The following TRRAP variants were observed in gnomAD, a reference collection of about 807,000 sequenced individuals.
TRRAP encodes transformation/transcription domain associated protein.
TRRAP carries 41 observed loss-of-function variants against 438.8 expected under a neutral mutation model. The ratio of observed to expected loss-of-function variants is 0.09; its 90% CI spans 0.07 to 0.12. The LOEUF (loss-of-function observed/expected upper bound fraction) is 0.12. Ranked by LOEUF, TRRAP falls within the 10% of genes least tolerant of loss-of-function variation. TRRAP has a pLI of 1.00. For synonymous variants in TRRAP, 1,994 were observed against 1,962.9 expected (o/e 1.02, Z -0.42); for missense variants, 3,122 against 5,055.1 (o/e 0.62, Z 11.60).
At chr7:98,946,118 A>G (rs895492527) in intron 33 of TRRAP, among the ~76,000 whole-genome samples, 168 bp downstream of exon 33, 2 of 152,110 alleles carry the variant, frequency 1.3e-5, no homozygotes, top group African/African-American at 4.8e-5. Flanking sequence ...ATTGCTGTGA[A>G]CTGTCTGATG....
At chr7:98,901,674 G>A (rs561054335) in intron 11 of TRRAP, among the ~76,000 whole-genome samples, 3 of 152,230 alleles carry the variant, frequency 2.0e-5, no homozygotes, top group Admixed American at 1.3e-4. Context: ...TCAGCCACTC[G>A]AGTAGCTAGG....
chr7:98,926,772 A>AG (rs1214401299), intron 22 of TRRAP, among the ~76,000 whole-genome samples: 1 of 146,942 alleles, frequency 6.8e-6, no homozygotes, highest in African/African-American at 2.5e-5. Flanking sequence ...TGGGAGGCTG[A>AG]GGCGGGGGTG....
rs776359341 is a variant in TRRAP, at chr7:98,959,421, G to A, written c.6420G>A (p.Ala2140=). The change falls in exon 45 of 73, where the codon GCG becomes GCA. Residue 2140 remains alanine (A), a synonymous_variant. Transcript: ENST00000456197. ...SRRCVNLLKT[A]LRPDMWPKSE... ...GGTGTGTGAACCTTCTGAAGACTGCGTTGCGGCCAGACATGTGGCCCAAGT... is the reference window on the plus strand; with the variant it reads ...GGTGTGTGAACCTTCTGAAGACTGCATTGCGGCCAGACATGTGGCCCAAGT... 1.5e-5 allele frequency: 24 copies of A among 1,613,944 alleles called. No homozygotes were observed. The highest frequency in any genetic ancestry group is 1.6e-4 in the Middle Eastern group (1 of 6,084).
Position 99,012,181 on chromosome 7 carries a change from G to A in TRRAP, c.11448G>A (p.Met3816Ile). ...PLSAAGQPEN[M>I]DSQQLVSLVQ... ...CGGCCGCCGGGCAGCCAGAGAACAT[G>A]GACAGCCAGCAACTGGTGTCCCTGG... The change falls in exon 73 of 73, where the codon ATG becomes ATA. Residue 3816 changes from methionine (M) to isoleucine (I), a missense_variant. Met to Ile is a conservative substitution (Grantham distance 10). Transcript: ENST00000456197. This position sits in a 1 kb window ranked among gnomAD's most constrained non-coding sequence, Gnocchi z 5.9. 2 of 1,614,194 alleles carry A rather than the reference G, an allele frequency of 1.2e-6. No individual in the cohort carries two copies. Among genetic ancestry groups the A allele is most frequent in the Non-Finnish European group, 1.7e-6 (2 of 1,180,022 alleles).
intron 18 of TRRAP, 134 bp from the exon 19 acceptor site, chr7:98,915,589 G>C (rs1584306006): frequency 1.9e-6 from 2 of 1,051,706 alleles, no homozygotes; most frequent in South Asian, 1.8e-5. Flanking sequence ...ATGCTTGTTT[G>C]GTTTTTTCCC....
chr7:98,949,504 G>T lies in TRRAP; in HGVS notation c.4876G>T (p.Gly1626Cys), dbSNP rs782356809. Residue 1626 changes from glycine to cysteine, a missense_variant, in exon 36 of 73, where the codon GGT (glycine) becomes TGT (cysteine). Physicochemically the swap from Gly to Cys is radical, Grantham distance 159 (BLOSUM62 -3). Transcript: ENST00000456197. ...NRFITLLLPG[G>C]AQTAVRPGSP... ...GTTCATCACCCTGCTGCTGCCGGGG[G>T]GTGCCCAGACGGCTGTGCGCCCCGG... The T allele has an allele frequency of 1.2e-6, 2 of 1,610,640 alleles. No homozygotes were observed. Among genetic ancestry groups the T allele is most frequent in the Non-Finnish European group, 8.5e-7 (1 of 1,178,642 alleles).
In TRRAP at chr7:98,981,855, G is replaced by T; in HGVS notation, c.8721G>T (p.Gln2907His). Residue 2907 changes from glutamine (Q) to histidine (H), a missense_variant, in exon 59 of 73, where the codon CAG (glutamine) becomes CAT (histidine). Transcript: ENST00000456197. ...YLAICHPEEQQLSFIERLVEM... is the reference protein window; with the variant it reads ...YLAICHPEEQHLSFIERLVEM... ...CCATCTGCCACCCCGAGGAGCAGCA[G>T]CTCAGCTTCATCGAGCGCCTGGTGG... 6.2e-7 allele frequency: 1 copy of T among 1,608,506 alleles called. No homozygotes were observed. The highest frequency in any genetic ancestry group is 8.5e-7 in the Non-Finnish European group (1 of 1,178,132).
rs1240036722 is a variant in TRRAP, at chr7:98,948,929, TAAAGTATGATTATTATTTA to T, written c.4788+252_4788+270del. 2.6e-5 allele frequency among the ~76,000 whole-genome samples: 4 copies of T among 152,166 alleles called. No homozygotes were observed. The highest frequency in any genetic ancestry group is 9.7e-5 in the African/African-American group (4 of 41,442). ...ATGTTCTGCCAGGATTATAAAATCA[TAAAGTATGATTATTATTTA>T]AAAGTATTTTCTAAGGGCCCACACC... On this transcript the variant is annotated intron_variant, in intron 35 of 72. Coordinates refer to ENST00000456197, the MANE Select transcript of TRRAP (RefSeq NM_001375524.1). The surrounding 1 kb of genome is among the most constrained non-coding windows in gnomAD (Gnocchi z 4.9).
At chr7:98,982,725 G>A (rs1414968639) in intron 59 of TRRAP, among the ~76,000 whole-genome samples, 2 of 150,834 alleles carry the variant, frequency 1.3e-5, no homozygotes, top group African/African-American at 4.9e-5. Context: ...GAATTTAAGG[G>A]TAGTCTACCT....
At chr7:98,938,305 C>T (rs963534777) in intron 30 of TRRAP, among the ~76,000 whole-genome samples, 1 of 152,088 alleles carries the variant, frequency 6.6e-6, no homozygotes, top group African/African-American at 2.4e-5. Context: ...CATCACTGCA[C>T]CCCAGTCTGG....
rs1164487246 is a variant in TRRAP at position 98,964,786 on chromosome 7, GGC to G, written c.6976+12_6976+13del. On this transcript the variant is annotated intron_variant, in intron 48 of 72. Transcript: ENST00000456197. ...CCGAAGCCACCTCAGGTGATGTGCT[GGC>G]CACCGGGGGCCTTTCCTCAGACTCT... 6.2e-7 allele frequency: 1 copy of G among 1,607,028 alleles called. No homozygotes were observed. Among genetic ancestry groups the G allele is most frequent in the South Asian group, 1.1e-5 (1 of 89,936 alleles).
At chr7:98,931,208 T>C (rs1354941060) in intron 25 of TRRAP, among the ~76,000 whole-genome samples, 197 bp from the exon 26 acceptor site, 2 of 152,186 alleles carry the variant, frequency 1.3e-5, no homozygotes, top group East Asian at 3.8e-4. Context: ...GGGGTCACAT[T>C]TGGATCCACA....
chr7:98,974,192 G>A (rs928065519), intron 53 of TRRAP, among the ~76,000 whole-genome samples: 2 of 152,122 alleles, frequency 1.3e-5, no homozygotes, highest in African/African-American at 2.4e-5. Context: ...TGGAGAGGGT[G>A]GTGTCGTGTT....
At chr7:99,008,300 T>C (rs1281964446) in intron 69 of TRRAP, 77 bp from the exon 70 acceptor site, 8 of 1,474,120 alleles carry the variant, frequency 5.4e-6, no homozygotes, top group Non-Finnish European at 7.5e-6. Flanking sequence ...CTGCTCCCAG[T>C]GGCACTCTGA....
Position 98,967,608 on chromosome 7 carries a change from A to G in TRRAP, c.7422A>G (p.Lys2474=). 3 of 1,614,074 alleles carry G rather than the reference A, an allele frequency of 1.9e-6. No homozygotes were observed. The highest frequency in any genetic ancestry group is 2.5e-6 in the Non-Finnish European group (3 of 1,180,028). The change falls in exon 51 of 73, where the codon AAA becomes AAG. Residue 2474 remains lysine, a synonymous_variant. Transcript: ENST00000456197. ...KFFEVFDNSM[K]RRVYERLLYV... ...TCGAGGTTTTTGACAACTCCATGAA[A>G]CGTCGTGTCTACGAGCGCTTGCTCT...
At chr7:98,927,137 C>A in intron 22 of TRRAP, 30 bp from the exon 23 acceptor site, 2 of 1,613,342 alleles carry the variant, frequency 1.2e-6, no homozygotes, top group South Asian at 2.2e-5. Flanking sequence ...AGTTGGGTGT[C>A]GTGACACCAG....
chr7:98,959,367 G>A lies in TRRAP; in HGVS notation c.6366G>A (p.Ala2122=), dbSNP rs781376822. 3.0e-5 allele frequency: 48 copies of A among 1,613,872 alleles called. No homozygotes were observed. Among genetic ancestry groups the A allele is most frequent in the Non-Finnish European group, 3.6e-5 (42 of 1,179,984 alleles). Residue 2122 remains alanine (A), a synonymous_variant, in exon 45 of 73, where the codon GCG becomes GCA. Transcript: ENST00000456197. The part of the protein sequence containing the change: ...ACQVNDNTNT[A]GSPGEVLSRR... The stretch of plus-strand genomic sequence containing the variant: ...AGGTTAATGACAACACCAACACAGC[G>A]GGGTCCCCTGGGGAGGTGCTCTCTC...
chr7:98,929,842 C>T, intron 23 of TRRAP, 147 bp from the exon 24 acceptor site: 2 of 748,430 alleles, frequency 2.7e-6, no homozygotes, highest in Admixed American at 2.5e-5. Context: ...GATCCTCCTG[C>T]CTCGGCCTCC....
chr7:98,936,414 G>A (rs1790559366), intron 28 of TRRAP, among the ~76,000 whole-genome samples: 1 of 152,156 alleles, frequency 6.6e-6, no homozygotes, highest in African/African-American at 2.4e-5. Context: ...TCCCTTCTTT[G>A]GGGAACTCTC....
Sources: allele counts gnomAD v4.1 joint callset (sites outside exome capture counted in the v4.1 genomes callset), GRCh38; gene constraint gnomAD v4.1.1; non-coding constraint Gnocchi (gnomAD v3.1); transcripts MANE v1.5; gene names NCBI Gene and HGNC (gene_info 2026-07-23, HGNC 2026-07-21).